PGAM1: variants seen among roughly 807,000 people sequenced by gnomAD.
PGAM1 encodes the protein phosphoglycerate mutase 1, also known as BPG-dependent PGAM 1.
In PGAM1, 21 loss-of-function variants were observed where a neutral mutation model predicts 23.5. That is an observed-to-expected ratio of 0.89 (90% confidence interval 0.63 to 1.29). PGAM1 has a LOEUF of 1.29. Ranked by LOEUF, PGAM1 falls within the 50% of genes most tolerant of loss-of-function variation. PGAM1 has a pLI of 0.00. For synonymous variants in PGAM1, 109 were observed against 128.6 expected (o/e 0.85, Z 1.03); for missense variants, 232 against 336.3 (o/e 0.69, Z 2.42).
At chr10:97,429,040 A>T (rs1433144454) in intron 1 of PGAM1, among the ~76,000 whole-genome samples, 1 of 142,936 alleles carries the variant, frequency 7.0e-6, no homozygotes, top group Non-Finnish European at 1.5e-5. Flanking sequence ...TCTCCCCATT[A>T]TGGTGGGAGG....
intron 1 of PGAM1, among the ~76,000 whole-genome samples, chr10:97,426,680 C>T (rs1290928947): frequency 6.6e-6 from 1 of 152,266 alleles, no homozygotes; most frequent in East Asian, 1.9e-4. Flanking sequence ...CGCCCCGCAA[C>T]CCTTTGCGCT....
intron 1 of PGAM1, among the ~76,000 whole-genome samples, chr10:97,429,117 T>TTTTG (rs1491579202): frequency 1.4e-5 from 2 of 142,090 alleles, no homozygotes; most frequent in African/African-American, 5.6e-5. Flanking sequence ...TTTTTTTTTT[T>TTTTG]GCGTGCGACA....
intron 1 of PGAM1, among the ~76,000 whole-genome samples, chr10:97,429,029 A>C (rs1041089915): frequency 6.7e-6 from 1 of 149,864 alleles, no homozygotes; most frequent in Non-Finnish European, 1.5e-5. Flanking sequence ...GGAAAGGGCT[A>C]TCTCCCCATT....
intron 1 of PGAM1, chr10:97,428,018 A>G: frequency 2.8e-6 from 3 of 1,052,852 alleles, no homozygotes; most frequent in South Asian, 2.6e-5. Flanking sequence ...AGAGGCTGGG[A>G]AATGGAAAGT....
At position 97,430,662 on chromosome 10, in the gene PGAM1, A is replaced by C. The variant is rs750336535; in HGVS notation, c.414+9A>C. The C allele has an allele frequency of 3.7e-6, 6 of 1,602,954 alleles. No homozygotes were observed. The South Asian group carries it at 6.6e-5, about 18-fold the overall frequency. ...ACAGCAACATCAGTAAGGTATGGAC[A>C]AACAGAGGTTTGGTCACTCCGCCCA... On this transcript the variant is annotated intron_variant, in intron 2 of 3. Coordinates refer to ENST00000334828, the MANE Select transcript of PGAM1 (RefSeq NM_002629.4).
rs1845455455 is a variant in PGAM1, at chr10:97,430,337, G to T, written c.140-42G>T. ...ATACTGAAGAACATTTTGGCTCAGAGTAGACCTGGTTAGCTTATCACTTTG... is the reference window on the plus strand; with the variant it reads ...ATACTGAAGAACATTTTGGCTCAGATTAGACCTGGTTAGCTTATCACTTTG... On this transcript the variant is annotated intron_variant, in intron 1 of 3. Coordinates refer to ENST00000334828, the MANE Select transcript of PGAM1 (RefSeq NM_002629.4). 6 of 1,611,036 alleles carry T rather than the reference G, an allele frequency of 3.7e-6. No individual in the cohort carries two copies. The South Asian group carries it at 4.4e-5, about 12-fold the overall frequency.
intron 1 of PGAM1, among the ~76,000 whole-genome samples, chr10:97,426,864 G>T (rs1845415869): frequency 6.6e-6 from 1 of 152,168 alleles, no homozygotes; most frequent in Non-Finnish European, 1.5e-5. Flanking sequence ...GTGAAACCCC[G>T]TCTCTATTGA....
intron 1 of PGAM1, chr10:97,427,236 C>T (rs1845420895): frequency 1.0e-6 from 1 of 984,198 alleles, no homozygotes; most frequent in Non-Finnish European, 1.2e-6. Flanking sequence ...CGACACGCCA[C>T]ACAGCCTCGT....
intron 1 of PGAM1, chr10:97,427,583 C>T: frequency 8.6e-7 from 1 of 1,168,008 alleles, no homozygotes; most frequent in South Asian, 1.7e-5. Flanking sequence ...GTGTGAGGAA[C>T]TGGTAGGCTT....
intron 1 of PGAM1, among the ~76,000 whole-genome samples, chr10:97,426,672 C>G (rs915197592): frequency 2.0e-5 from 3 of 152,264 alleles, no homozygotes; most frequent in Non-Finnish European, 4.4e-5. Flanking sequence ...AGGGCGGTCG[C>G]CCCGCAACCC....
At chr10:97,431,249 A>C in intron 3 of PGAM1, 114 bp downstream of exon 3, 1 of 1,209,028 alleles carries the variant, frequency 8.3e-7, no homozygotes, top group Non-Finnish European at 1.2e-6. Context: ...ACAGCTTTAG[A>C]GATGGTCTAG....
At chr10:97,430,687 A>G (rs780740811) in intron 2 of PGAM1, 34 bp downstream of exon 2, 51 of 1,602,014 alleles carry the variant, frequency 3.2e-5, no homozygotes, top group Non-Finnish European at 4.2e-5. Flanking sequence ...CACTCCGCCC[A>G]GGATCAGGGG....
chr10:97,432,463 A>T lies in PGAM1; in HGVS notation c.704A>T (p.Asp235Val), dbSNP rs1451556041. ...KPIKPMQFLG[D>V]EETVRKAMEA... ...ATCAAGCCCATGCAGTTTCTGGGGGATGAAGAGACGGTGCGCAAAGCCATG... is the reference window on the plus strand; with the variant it reads ...ATCAAGCCCATGCAGTTTCTGGGGGTTGAAGAGACGGTGCGCAAAGCCATG... The change falls in exon 4 of 4, where the codon GAT (aspartate) becomes GTT (valine). Residue 235 changes from aspartate (D) to valine (V), a missense_variant. Transcript: ENST00000334828. 1.2e-6 allele frequency: 2 copies of T among 1,610,248 alleles called. No individual in the cohort carries two copies. The highest frequency in any genetic ancestry group is 4.5e-5 in the East Asian group (2 of 44,840).
rs777416167 is a variant in PGAM1 at position 97,430,953 on chromosome 10, A to G, written c.415-2A>G. 18 of 1,613,984 alleles carry G rather than the reference A, an allele frequency of 1.1e-5. No homozygotes were observed. The highest frequency in any genetic ancestry group is 1.5e-5 in the Non-Finnish European group (18 of 1,179,868). The stretch of plus-strand genomic sequence containing the variant: ...GGTGAACTTGGATTCTTTATTGCTT[A>G]GGATCGCAGGTATGCAGACCTCACA... On this transcript the variant is annotated splice_acceptor_variant, in intron 2 of 3. Transcript: ENST00000334828. LOFTEE classifies it high-confidence loss of function.
intron 3 of PGAM1, among the ~76,000 whole-genome samples, chr10:97,432,042 C>T (rs1454529314): frequency 6.6e-6 from 1 of 152,188 alleles, no homozygotes; most frequent in African/African-American, 2.4e-5. Context: ...ATGGGCTGTA[C>T]AGGGTATTTG....
At position 97,430,422 on chromosome 10, in the gene PGAM1, G is replaced by T; in HGVS notation, c.183G>T (p.Lys61Asn). Residue 61 changes from lysine (K) to asparagine (N), a missense_variant, in exon 2 of 4, where the codon AAG becomes AAT. By Grantham distance (94) the Lys-to-Asn change is moderately conservative (BLOSUM62 0). Coordinates refer to ENST00000334828, the MANE Select transcript of PGAM1 (RefSeq NM_002629.4). The part of the protein sequence containing the change: ...EFDICFTSVQ[K>N]RAIRTLWTVL... ...ACATCTGCTTCACCTCAGTGCAGAA[G>T]AGAGCGATCCGGACCCTCTGGACAG... 3.7e-6 allele frequency: 6 copies of T among 1,611,182 alleles called. No homozygotes were observed. The highest frequency in any genetic ancestry group is 4.2e-6 in the Non-Finnish European group (5 of 1,179,804).
In PGAM1 at chr10:97,430,603, C is replaced by T. The variant is rs1363560223; in HGVS notation, c.364C>T (p.Pro122Ser). The T allele has an allele frequency of 4.4e-6, 7 of 1,602,008 alleles. No individual in the cohort carries two copies. The highest frequency in any genetic ancestry group is 1.3e-5 in the African/African-American group (1 of 74,818). The change falls in exon 2 of 4, where the codon CCA (proline) becomes TCA (serine). Residue 122 changes from proline to serine, a missense_variant. Pro to Ser is a moderately conservative substitution (Grantham distance 74). Transcript: ENST00000334828. ...GATCTGGAGGCGCTCCTATGATGTC[C>T]CACCACCTCCGATGGAGCCCGACCA... Reference protein sequence around the residue: ...VKIWRRSYDVPPPPMEPDHPF... With the variant: ...VKIWRRSYDVSPPPMEPDHPF...
At chr10:97,431,700 A>G (rs1406859552) in intron 3 of PGAM1, among the ~76,000 whole-genome samples, 1 of 152,192 alleles carries the variant, frequency 6.6e-6, no homozygotes, top group Non-Finnish European at 1.5e-5. Flanking sequence ...AGCCTGAGCA[A>G]CAAAGCAAGA....
At position 97,433,031 on chromosome 10, in the gene PGAM1, G is replaced by C. The variant is rs1845488579; in HGVS notation, c.*507G>C. 1.3e-5 allele frequency: 2 copies of C among 158,116 alleles called. No individual in the cohort carries two copies. Among genetic ancestry groups the C allele is most frequent in the Non-Finnish European group, 2.8e-5 (2 of 72,034 alleles). The allele number at this position is 158,116 out of a possible 1,614,324, so 9.8% of individuals were successfully genotyped here. ...AACTGTTTCCTCCCTGACCCCAGAG[G>C]ATCTGGCTCTAGGTTGGGATCAATC... On this transcript the variant is annotated 3_prime_UTR_variant, in exon 4 of 4. Transcript: ENST00000334828.
Sources: allele counts gnomAD v4.1 joint callset (sites outside exome capture counted in the v4.1 genomes callset), GRCh38; gene constraint gnomAD v4.1.1; transcripts MANE v1.5; gene names NCBI Gene and HGNC (gene_info 2026-07-23, HGNC 2026-07-21).